Variants in GKAP1 observed in about 807,000 individuals in gnomAD.
The protein encoded by GKAP1 is G kinase-anchoring protein 1.
In GKAP1, 31 loss-of-function variants were observed where a neutral mutation model predicts 56.7. The observed-to-expected ratio is 0.55, with a 90% CI of 0.41 to 0.74. GKAP1 has a LOEUF of 0.74. Ranked by LOEUF, GKAP1 falls within the 30% of genes least tolerant of loss-of-function variation. The pLI is 0.00. For synonymous variants in GKAP1, 151 were observed against 138.6 expected (o/e 1.09, Z -0.63); for missense variants, 364 against 402.3 (o/e 0.90, Z 0.82).
chr9:83,751,360 G>A (rs953232314), intron 9 of GKAP1, among the ~76,000 whole-genome samples: 1 of 152,056 alleles, frequency 6.6e-6, no homozygotes, highest in East Asian at 1.9e-4. Flanking sequence ...TCCTTTGTCT[G>A]TTCTTCTGGA....
intron 5 of GKAP1, among the ~76,000 whole-genome samples, chr9:83,786,212 A>G (rs1289625728): frequency 1.3e-5 from 2 of 152,256 alleles, no homozygotes; most frequent in Non-Finnish European, 1.5e-5. Context: ...TGGCTATTCA[A>G]TAATTATTTG....
chr9:83,785,277 T>C (rs1469129059), intron 5 of GKAP1, among the ~76,000 whole-genome samples: 2 of 152,142 alleles, frequency 1.3e-5, no homozygotes, highest in Non-Finnish European at 2.9e-5. Context: ...CTGCTAAGTT[T>C]CCTTTGCTGG....
intron 10 of GKAP1, 36 bp downstream of exon 10, chr9:83,748,273 T>C (rs1236072004): frequency 8.6e-6 from 12 of 1,395,838 alleles, no homozygotes; most frequent in African/African-American, 4.3e-5. Context: ...TTATTTAAGA[T>C]AAACTTTTAA....
intron 8 of GKAP1, among the ~76,000 whole-genome samples, chr9:83,756,122 A>C (rs1943470895): frequency 6.6e-6 from 1 of 152,074 alleles, no homozygotes; most frequent in South Asian, 2.1e-4. Flanking sequence ...TACATTAAAA[A>C]AATTTTTTTT....
intron 8 of GKAP1, among the ~76,000 whole-genome samples, chr9:83,761,053 A>C (rs1355410605): frequency 6.6e-6 from 1 of 151,970 alleles, no homozygotes; most frequent in Non-Finnish European, 1.5e-5. Flanking sequence ...AAAGCAATAC[A>C]AAAGAAATAA....
At chr9:83,782,378 G>C (rs1453273634) in intron 6 of GKAP1, among the ~76,000 whole-genome samples, 1 of 147,742 alleles carries the variant, frequency 6.8e-6, no homozygotes, top group Non-Finnish European at 1.5e-5. Flanking sequence ...TTTTGAGATA[G>C]ATGGAGTTTC....
chr9:83,780,844 TTA>T (rs2131287767), intron 6 of GKAP1, among the ~76,000 whole-genome samples: 1 of 152,278 alleles, frequency 6.6e-6, no homozygotes, highest in East Asian at 1.9e-4. Context: ...GAATAGTAAT[TTA>T]TGTCCTTTAA....
chr9:83,817,081 A>T lies in GKAP1; in HGVS notation c.-129T>A, dbSNP rs1470609561. 1 of 152,216 alleles carries T rather than the reference A, an allele frequency of 6.6e-6. No individual in the cohort carries two copies. The highest frequency in any genetic ancestry group is 1.5e-5 in the Non-Finnish European group (1 of 68,034). The allele number at this position is 152,216 out of a possible 1,614,324, so 9.4% of individuals were successfully genotyped here. A position where few individuals can be genotyped will look rare whatever the true frequency, so the allele number is the denominator to read the frequency against. ...ATTCGCAAAGTACATAGAGAAAGAA[A>T]TTGCGCTGGGCGAAACCTAACTCGG... On this transcript the variant is annotated 5_prime_UTR_variant, in exon 2 of 13. Coordinates refer to ENST00000376371, the MANE Select transcript of GKAP1 (RefSeq NM_025211.4).
intron 8 of GKAP1, among the ~76,000 whole-genome samples, chr9:83,763,751 T>G (rs546025189): frequency 6.6e-6 from 1 of 152,140 alleles, no homozygotes; most frequent in Admixed American, 6.6e-5. Flanking sequence ...ATTGAGTGCA[T>G]ACTGTGGAAA....
At chr9:83,802,394 GC>G (rs1944345315) in intron 3 of GKAP1, among the ~76,000 whole-genome samples, 1 of 148,968 alleles carries the variant, frequency 6.7e-6, no homozygotes, top group Non-Finnish European at 1.5e-5. Context: ...CAGAAGAACT[GC>G]TTGAACCTGG....
rs1564199151 is a variant in GKAP1, at chr9:83,774,701, C to CTTTTTTTTTTTTTTTTTTTTT, written c.585+5680_585+5681insAAAAAAAAAAAAAAAAAAAAA. ...AGAAACTATCAATAAACAGAAACCC[C>CTTTTTTTTTTTTTTTTTTTTT]CTTTTTTTTTTTTTTTTTTTTTTTT... On this transcript the variant is annotated intron_variant, in intron 7 of 12. Coordinates refer to ENST00000376371, the MANE Select transcript of GKAP1 (RefSeq NM_025211.4). Among the ~76,000 whole-genome samples, 2 of 100,942 alleles carry CTTTTTTTTTTTTTTTTTTTTT rather than the reference C, an allele frequency of 2.0e-5. 1 individual carries two copies. The highest frequency in any genetic ancestry group is 4.1e-5 in the Non-Finnish European group (2 of 49,358). The allele number at this position is 100,942 out of a possible 152,430, so 66.2% of individuals were successfully genotyped here. A position where few individuals can be genotyped will look rare whatever the true frequency, so the allele number is the denominator to read the frequency against.
chr9:83,768,150 C>G (rs1040453583), intron 8 of GKAP1, among the ~76,000 whole-genome samples: 1 of 152,164 alleles, frequency 6.6e-6, no homozygotes, highest in Admixed American at 6.5e-5. Context: ...ACATTTATGA[C>G]ATAAATCTAA....
intron 2 of GKAP1, among the ~76,000 whole-genome samples, 186 bp downstream of exon 2, chr9:83,816,809 AG>A (rs1223088775): frequency 6.6e-6 from 1 of 152,222 alleles, no homozygotes; most frequent in Admixed American, 6.5e-5. Context: ...GGAAGAGAAA[AG>A]GCAATCAGCC....
chr9:83,772,238 T>C (rs1469137465), intron 7 of GKAP1, among the ~76,000 whole-genome samples: 3 of 152,192 alleles, frequency 2.0e-5, no homozygotes, highest in Admixed American at 1.3e-4. Flanking sequence ...ATGGTGCTTA[T>C]GTAAGTATAG....
intron 4 of GKAP1, among the ~76,000 whole-genome samples, chr9:83,798,292 T>TA (rs919432594): frequency 6.6e-6 from 1 of 152,204 alleles, no homozygotes; most frequent in Non-Finnish European, 1.5e-5. Flanking sequence ...TTACTATACA[T>TA]ATAGCATCTC....
intron 4 of GKAP1, among the ~76,000 whole-genome samples, chr9:83,795,344 T>C (rs959324769): frequency 1.1e-4 from 17 of 151,968 alleles, no homozygotes; most frequent in Admixed American, 4.6e-4. Flanking sequence ...TCTAAGCAAA[T>C]AAATGAGTAG....
chr9:83,799,797 T>TAAA (rs1944302593), intron 3 of GKAP1, among the ~76,000 whole-genome samples: 1 of 151,648 alleles, frequency 6.6e-6, no homozygotes, highest in South Asian at 2.1e-4. Flanking sequence ...TCACAAAAAA[T>TAAA]ACAACAACAA....
rs10546262 is a variant in GKAP1 at position 83,779,612 on chromosome 9, T to TAC, written c.585+768_585+769dup. ...GTATATGTGTATATATATACACATA[T>TAC]ACACACACACACACACACACACACA... On this transcript the variant is annotated intron_variant, in intron 7 of 12. Transcript: ENST00000376371. 7.8e-3 allele frequency among the ~76,000 whole-genome samples: 997 copies of TAC among 127,326 alleles called. 8 individuals are homozygous for TAC. The highest frequency in any genetic ancestry group is 0.016 in the African/African-American group (527 of 33,760). 83.5% of individuals were successfully genotyped at this position (127,326 alleles called of 152,430 possible).
chr9:83,782,637 C>T (rs1320414708), intron 6 of GKAP1, among the ~76,000 whole-genome samples: 1 of 141,676 alleles, frequency 7.1e-6, no homozygotes, highest in East Asian at 2.2e-4. Flanking sequence ...GAATTGCAGG[C>T]GTGATGAGCC....
Sources: gnomAD v4.1 joint callset for allele counts (sites outside exome capture counted in the v4.1 genomes callset) on GRCh38, gnomAD v4.1.1 for gene constraint, MANE v1.5 for transcripts, NCBI Gene and HGNC (gene_info 2026-07-23, HGNC 2026-07-21) for gene names.